RAB28: variants seen among roughly 807,000 people sequenced by gnomAD.
RAB28 encodes the protein ras-related protein Rab-28.
A neutral mutation model predicts 31.7 loss-of-function variants in RAB28; 24 were observed. The observed-to-expected ratio is 0.76, with a 90% CI of 0.55 to 1.06. The LOEUF is 1.06. Among genes scored for constraint, RAB28 ranks in the 50% least tolerant of loss-of-function variants. The pLI is 0.00. For synonymous variants in RAB28, 100 were observed against 90.4 expected (o/e 1.11, Z -0.60); for missense variants, 254 against 258.5 (o/e 0.98, Z 0.12).
In RAB28 at chr4:13,484,311, C is replaced by T; in HGVS notation, c.-161G>A. The T allele has an allele frequency of 4.8e-6, 3 of 619,892 alleles. No homozygotes were observed. The highest frequency in any genetic ancestry group is 4.5e-4 in the Middle Eastern group (1 of 2,244). 38.4% of individuals were successfully genotyped at this position (619,892 alleles called of 1,614,324 possible). A position where few individuals can be genotyped will look rare whatever the true frequency, so the allele number is the denominator to read the frequency against. The stretch of plus-strand genomic sequence containing the variant: ...TATTCGAGGAGAATCACTCGGCAAG[C>T]GCCATCTTGCCCACCTCCCCGCCCT... On this transcript the variant is annotated 5_prime_UTR_variant, in exon 1 of 7. Transcript: ENST00000330852.
chr4:13,442,483 CAA>C (rs1296539982), intron 4 of RAB28, among the ~76,000 whole-genome samples: 1 of 130,634 alleles, frequency 7.7e-6, no homozygotes, highest in African/African-American at 2.8e-5. Context: ...AGCAAATGTC[CAA>C]AAAAAAAAAA....
intron 4 of RAB28, 121 bp from the exon 5 acceptor site, chr4:13,381,715 C>T (rs1729138024): frequency 3.1e-6 from 2 of 637,212 alleles, no homozygotes; most frequent in Admixed American, 3.3e-5. Context: ...AGCTGTGCAA[C>T]CTTGGACAAT....
chr4:13,424,224 C>T (rs73819849), intron 4 of RAB28, among the ~76,000 whole-genome samples: 2 of 152,100 alleles, frequency 1.3e-5, no homozygotes, highest in African/African-American at 4.8e-5. Context: ...GTGGCTTAAA[C>T]CAACAGAAAT....
chr4:13,448,624 C>T (rs1714816467), intron 4 of RAB28, among the ~76,000 whole-genome samples: 1 of 152,054 alleles, frequency 6.6e-6, no homozygotes, highest in Non-Finnish European at 1.5e-5. Flanking sequence ...AAACAGCACT[C>T]ATTTGCTATT....
chr4:13,405,830 G>A (rs966064428), intron 4 of RAB28, among the ~76,000 whole-genome samples: 4 of 151,914 alleles, frequency 2.6e-5, no homozygotes, highest in Non-Finnish European at 2.9e-5. Flanking sequence ...CACTTTCTTG[G>A]TTTACTGAGA....
intron 4 of RAB28, among the ~76,000 whole-genome samples, chr4:13,412,664 C>T (rs557541032): frequency 2.0e-5 from 3 of 151,816 alleles, no homozygotes; most frequent in Admixed American, 6.6e-5. Flanking sequence ...AGACTTTATA[C>T]AAAGGCACAA....
intron 4 of RAB28, among the ~76,000 whole-genome samples, chr4:13,444,226 A>G (rs892912080): frequency 1.1e-4 from 17 of 151,550 alleles, no homozygotes; most frequent in African/African-American, 4.1e-4. Flanking sequence ...ACGGGGTTTC[A>G]CCGTGTTAGC....
chr4:13,372,350 A>G (rs1728748873), intron 6 of RAB28, among the ~76,000 whole-genome samples: 4 of 152,094 alleles, frequency 2.6e-5, no homozygotes, highest in Admixed American at 2.0e-4. Flanking sequence ...GTTTTTTAAA[A>G]GCTACTCTTC....
chr4:13,399,089 G>C (rs1043489786), intron 4 of RAB28, among the ~76,000 whole-genome samples: 4 of 152,036 alleles, frequency 2.6e-5, no homozygotes, highest in Non-Finnish European at 4.4e-5. Flanking sequence ...CAGAGAAAGG[G>C]ATAAAAGACT....
chr4:13,398,076 T>C (rs567473630), intron 4 of RAB28, among the ~76,000 whole-genome samples: 200 of 152,208 alleles, frequency 1.3e-3, no homozygotes, highest in African/African-American at 4.6e-3. Context: ...CTTTTAGTAA[T>C]GGATAATGCA....
intron 6 of RAB28, among the ~76,000 whole-genome samples, chr4:13,372,044 A>G (rs1323876089): frequency 1.3e-5 from 2 of 152,126 alleles, no homozygotes; most frequent in African/African-American, 4.8e-5. Flanking sequence ...TGCAAAAGCC[A>G]TAGTTTGTCA....
intron 2 of RAB28, among the ~76,000 whole-genome samples, chr4:13,478,037 T>C (rs1206303026): frequency 6.7e-6 from 1 of 148,684 alleles, no homozygotes; most frequent in Non-Finnish European, 1.5e-5. Flanking sequence ...AAATAGCTAA[T>C]AATGAAATGC....
intron 4 of RAB28, among the ~76,000 whole-genome samples, chr4:13,417,864 C>T (rs551842423): frequency 2.0e-5 from 3 of 152,320 alleles, no homozygotes; most frequent in East Asian, 1.9e-4. Flanking sequence ...TGCAGCTCCT[C>T]GCCAGCAACG....
At chr4:13,462,058 T>A (rs1715614735) in intron 3 of RAB28, among the ~76,000 whole-genome samples, 1 of 152,234 alleles carries the variant, frequency 6.6e-6, no homozygotes, top group African/African-American at 2.4e-5. Context: ...CCAAGCATTG[T>A]GCTGGATTCC....
chr4:13,483,970 A>C, intron 1 of RAB28, 106 bp downstream of exon 1: 1 of 1,107,686 alleles, frequency 9.0e-7, no homozygotes, highest in Non-Finnish European at 1.3e-6. Context: ...CGGGCCTAGA[A>C]GCCCGAGGGC....
intron 4 of RAB28, among the ~76,000 whole-genome samples, chr4:13,405,351 C>T (rs993176325): frequency 4.6e-5 from 7 of 151,996 alleles, no homozygotes; most frequent in Non-Finnish European, 8.8e-5. Context: ...AATAAACATA[C>T]GAGTTGATAC....
intron 4 of RAB28, among the ~76,000 whole-genome samples, chr4:13,415,243 G>A (rs984357810): frequency 1.3e-5 from 2 of 152,170 alleles, no homozygotes; most frequent in Non-Finnish European, 2.9e-5. Context: ...CAGCATGCTG[G>A]CAGCCCTCAC....
chr4:13,441,218 G>A (rs2108941245), intron 4 of RAB28, among the ~76,000 whole-genome samples: 1 of 152,288 alleles, frequency 6.6e-6, no homozygotes, highest in Non-Finnish European at 1.5e-5. Context: ...CTACGCCCTT[G>A]CTATGCTTCT....
At chr4:13,400,717 G>C (rs1312527764) in intron 4 of RAB28, among the ~76,000 whole-genome samples, 1 of 152,128 alleles carries the variant, frequency 6.6e-6, no homozygotes, top group African/African-American at 2.4e-5. Context: ...TGCCATTTAT[G>C]AAGTTGAAGA....
Sources: gnomAD v4.1 joint callset for allele counts (sites outside exome capture counted in the v4.1 genomes callset) on GRCh38, gnomAD v4.1.1 for gene constraint, MANE v1.5 for transcripts, NCBI Gene and HGNC (gene_info 2026-07-23, HGNC 2026-07-21) for gene names.